Variants in KCNH7 observed in about 807,000 individuals in gnomAD.
KCNH7 encodes the protein potassium voltage-gated channel subfamily H member 7.
A neutral mutation model predicts 120.8 loss-of-function variants in KCNH7; 49 were observed. That is an observed-to-expected ratio of 0.41 (90% CI 0.32 to 0.51). The LOEUF is 0.51. Ranked by LOEUF, KCNH7 falls within the 20% of genes least tolerant of loss-of-function variation. The probability of loss-of-function intolerance (pLI) is 0.38; values close to 1 mark genes in which losing one functional copy is unlikely to be tolerated. For missense variants in KCNH7, 1,097 were observed against 1,446.6 expected (o/e 0.76, Z 3.92); for synonymous variants, 547 against 516.1 (o/e 1.06, Z -0.81).
At chr2:162,381,666 CT>C (rs1319650979) in intron 13 of KCNH7, among the ~76,000 whole-genome samples, 11 of 152,094 alleles carry the variant, frequency 7.2e-5, no homozygotes, top group Non-Finnish European at 1.5e-4. Context: ...AGAGGGCTTG[CT>C]ATGAATTCCA....
chr2:162,754,896 T>A (rs933683891), intron 2 of KCNH7, among the ~76,000 whole-genome samples: 4 of 152,242 alleles, frequency 2.6e-5, no homozygotes, highest in African/African-American at 9.6e-5. Flanking sequence ...AAGGAATTAA[T>A]TTTGGTCTAA....
chr2:162,763,728 AGTGTGTGTGTGTGT>A (rs72350942), intron 2 of KCNH7, among the ~76,000 whole-genome samples: 4,689 of 139,310 alleles, frequency 0.034, 286 homozygotes, highest in African/African-American at 0.12. Flanking sequence ...AGGCATTTGC[AGTGTGTGTGTGTGT>A]GTGTGTGTGT....
chr2:162,517,587 T>C (rs1308960844), intron 4 of KCNH7, 143 bp downstream of exon 4: 1 of 648,148 alleles, frequency 1.5e-6, no homozygotes, highest in East Asian at 2.8e-5. Flanking sequence ...CAACTCTGAG[T>C]GTAGGACTCA....
chr2:162,668,579 T>C (rs1157508328), intron 2 of KCNH7, among the ~76,000 whole-genome samples: 1 of 152,122 alleles, frequency 6.6e-6, no homozygotes, highest in Non-Finnish European at 1.5e-5. Context: ...CCCTAGGGCT[T>C]GACGTATGCA....
chr2:162,694,800 G>A lies in KCNH7; in HGVS notation c.307+141737C>T, dbSNP rs993383493. Among the ~76,000 whole-genome samples, 10 of 151,814 alleles carry A rather than the reference G, an allele frequency of 6.6e-5. No individual in the cohort carries two copies. In the East Asian group the frequency reaches 1.7e-3, roughly 26 times the overall value. On this transcript the variant is annotated intron_variant, in intron 2 of 15. Coordinates refer to ENST00000332142, the MANE Select transcript of KCNH7 (RefSeq NM_033272.4). ...GCTCTGTTGGCCAGGCTGGAGTGCA[G>A]TGGCGTGATCTCGGGTCACTGAAAC...
At chr2:162,821,082 C>T (rs981205833) in intron 2 of KCNH7, among the ~76,000 whole-genome samples, 2 of 152,138 alleles carry the variant, frequency 1.3e-5, no homozygotes, top group African/African-American at 4.8e-5. Context: ...TAGACTAACA[C>T]ATATAACTAA....
intron 2 of KCNH7, among the ~76,000 whole-genome samples, chr2:162,666,512 G>T (rs1468293101): frequency 1.3e-5 from 2 of 151,942 alleles, no homozygotes; most frequent in African/African-American, 4.8e-5. Context: ...TCTCTCCTGA[G>T]ACTATTGTTC....
intron 2 of KCNH7, among the ~76,000 whole-genome samples, chr2:162,541,623 A>G (rs1692304806): frequency 6.6e-6 from 1 of 152,074 alleles, no homozygotes; most frequent in East Asian, 1.9e-4. Context: ...CTCATTTATA[A>G]ATGGGAGCAG....
At chr2:162,636,846 C>G (rs1305999844) in intron 2 of KCNH7, among the ~76,000 whole-genome samples, 4 of 152,040 alleles carry the variant, frequency 2.6e-5, no homozygotes, top group African/African-American at 9.7e-5. Flanking sequence ...TAGCCTGATA[C>G]ATTTTACTGA....
At chr2:162,406,406 A>C (rs1366294850) in intron 9 of KCNH7, among the ~76,000 whole-genome samples, 1 of 151,976 alleles carries the variant, frequency 6.6e-6, no homozygotes, top group Non-Finnish European at 1.5e-5. Context: ...GCATTCCCAA[A>C]GGCAGCCTGA....
intron 2 of KCNH7, among the ~76,000 whole-genome samples, chr2:162,649,123 C>T (rs2196268): frequency 0.13 from 19,264 of 152,148 alleles, 1,392 homozygotes; most frequent in East Asian, 0.33. Context: ...TCTATTTCCA[C>T]TATCAATTAT....
intron 2 of KCNH7, among the ~76,000 whole-genome samples, chr2:162,571,279 T>C (rs1426887261): frequency 6.6e-6 from 1 of 152,058 alleles, no homozygotes; most frequent in Non-Finnish European, 1.5e-5. Context: ...AAATCATGAG[T>C]GGACTCCCAT....
intron 12 of KCNH7, among the ~76,000 whole-genome samples, chr2:162,392,919 G>A (rs1347251527): frequency 2.0e-5 from 3 of 151,886 alleles, no homozygotes; most frequent in Non-Finnish European, 4.4e-5. Flanking sequence ...AGTCCAGTGT[G>A]GAATAGATGA....
At chr2:162,409,896 A>C (rs1687334175) in intron 9 of KCNH7, among the ~76,000 whole-genome samples, 2 of 151,910 alleles carry the variant, frequency 1.3e-5, no homozygotes, top group South Asian at 4.1e-4. Flanking sequence ...TGTCTACAAT[A>C]AGAATTACAA....
chr2:162,819,820 C>T (rs1478806275), intron 2 of KCNH7, among the ~76,000 whole-genome samples: 2 of 152,072 alleles, frequency 1.3e-5, no homozygotes, highest in East Asian at 3.9e-4. Flanking sequence ...TTCACAAAGG[C>T]TAAACTGAAA....
intron 2 of KCNH7, among the ~76,000 whole-genome samples, chr2:162,621,788 C>G (rs1184223029): frequency 6.6e-6 from 1 of 151,922 alleles, no homozygotes; most frequent in Non-Finnish European, 1.5e-5. Flanking sequence ...TACAAAGTAA[C>G]CATTGACTTT....
At chr2:162,430,756 T>C (rs1688037047) in intron 8 of KCNH7, among the ~76,000 whole-genome samples, 1 of 152,064 alleles carries the variant, frequency 6.6e-6, no homozygotes, top group Non-Finnish European at 1.5e-5. Context: ...CTTTTTTTTT[T>C]ACATGCTACA....
In KCNH7 at chr2:162,559,073, A is replaced by G. The variant is rs1205196342; in HGVS notation, c.308-21993T>C. Among the ~76,000 whole-genome samples the G allele has an allele frequency of 6.0e-5, 9 of 151,074 alleles. No individual in the cohort carries two copies. The South Asian group carries it at 1.7e-3, about 28-fold the overall frequency. On this transcript the variant is annotated intron_variant, in intron 2 of 15. Transcript: ENST00000332142. ...CTGCCTCAAAAAAAAAAAAAAAAAA[A>G]AAAGCAAAAAAACAAAAAACAAAAA...
At chr2:162,415,149 A>T (rs192662899) in intron 9 of KCNH7, among the ~76,000 whole-genome samples, 4,618 of 145,964 alleles carry the variant, frequency 0.032, 173 homozygotes, top group African/African-American at 0.092. Flanking sequence ...TCCTTTTTTT[A>T]AAAAAAAAAA....
Sources: allele counts gnomAD v4.1 joint callset (sites outside exome capture counted in the v4.1 genomes callset), GRCh38; gene constraint gnomAD v4.1.1; transcripts MANE v1.5; gene names NCBI Gene and HGNC (gene_info 2026-07-23, HGNC 2026-07-21).